The following TMPRSS11B variants were observed in gnomAD, a reference collection of about 807,000 sequenced individuals.
The protein encoded by TMPRSS11B is transmembrane protease serine 11B.
TMPRSS11B carries 53 observed loss-of-function variants against 44.7 expected under a neutral mutation model. The ratio of observed to expected loss-of-function variants is 1.19; its 90% CI spans 0.95 to 1.49. The LOEUF is 1.49. Among genes scored for constraint, TMPRSS11B ranks in the 40% most tolerant of loss-of-function variants. TMPRSS11B has a pLI of 0.00. For missense variants in TMPRSS11B, 526 were observed against 494.8 expected (o/e 1.06, Z -0.60); for synonymous variants, 140 against 159.2 (o/e 0.88, Z 0.91).
chr4:68,237,025 G>T (rs947005172), intron 2 of TMPRSS11B, among the ~76,000 whole-genome samples: 2 of 151,628 alleles, frequency 1.3e-5, no homozygotes, highest in African/African-American at 4.8e-5. Flanking sequence ...TGCCATAGTG[G>T]TTTGCTGTAC....
intron 1 of TMPRSS11B, among the ~76,000 whole-genome samples, chr4:68,242,745 T>C (rs917418262): frequency 1.1e-4 from 16 of 151,850 alleles, no homozygotes; most frequent in African/African-American, 2.4e-4. Flanking sequence ...TATTTTTTTG[T>C]AATAGAGTCA....
intron 1 of TMPRSS11B, among the ~76,000 whole-genome samples, chr4:68,242,358 T>A (rs1479056195): frequency 1.4e-4 from 4 of 29,050 alleles, no homozygotes; most frequent in South Asian, 2.5e-3. Context: ...TATATAATAT[T>A]ATATTATATA....
intron 5 of TMPRSS11B, among the ~76,000 whole-genome samples, chr4:68,233,017 C>A (rs1306424308): frequency 6.6e-6 from 1 of 151,988 alleles, no homozygotes; most frequent in Non-Finnish European, 1.5e-5. Context: ...AGGGAAATCT[C>A]CTTACTAAGA....
In TMPRSS11B at chr4:68,227,378, T is replaced by C. The variant is rs918028919; in HGVS notation, c.*533A>G. On this transcript the variant is annotated 3_prime_UTR_variant, in exon 10 of 10. Coordinates refer to ENST00000332644, the MANE Select transcript of TMPRSS11B (RefSeq NM_182502.3). ...AACTCAGCTATTAAGAAAAATTATA[T>C]ATTAGCCTTCTTTATTTTCTTCTCT... is the stretch of plus-strand genomic sequence containing the variant. The C allele has an allele frequency of 6.6e-6, 1 of 152,152 alleles. No individual in the cohort carries two copies. Among genetic ancestry groups the C allele is most frequent in the African/African-American group, 2.4e-5 (1 of 41,244 alleles). The allele number at this position is 152,152 out of a possible 1,614,324, so 9.4% of individuals were successfully genotyped here.
At chr4:68,232,303 G>A (rs1038209436) in intron 6 of TMPRSS11B, 75 bp downstream of exon 6, 1 of 1,379,412 alleles carries the variant, frequency 7.2e-7, no homozygotes, top group South Asian at 1.2e-5. Context: ...CATATTTCAA[G>A]TATTTTTAAT....
intron 8 of TMPRSS11B, 113 bp from the exon 9 acceptor site, chr4:68,228,997 CAGGT>C: frequency 8.5e-7 from 1 of 1,174,992 alleles, no homozygotes; most frequent in Non-Finnish European, 1.2e-6. Flanking sequence ...AGGCCAGTCC[CAGGT>C]TAGATTAGTC....
At chr4:68,240,416 G>T (rs527806874) in intron 2 of TMPRSS11B, among the ~76,000 whole-genome samples, 3 of 152,224 alleles carry the variant, frequency 2.0e-5, no homozygotes, top group South Asian at 4.1e-4. Context: ...ATAGTAGGTG[G>T]TTGACCATGT....
At chr4:68,234,044 TGCTTGTAGTCCCAG>T (rs1350555310) in intron 5 of TMPRSS11B, among the ~76,000 whole-genome samples, 1 of 151,860 alleles carries the variant, frequency 6.6e-6, no homozygotes, top group Non-Finnish European at 1.5e-5. Context: ...TGGTGGCGGA[TGCTTGTAGTCCCAG>T]GCTGAGGCAG....
At chr4:68,241,582 A>G in intron 2 of TMPRSS11B, 107 bp downstream of exon 2, 1 of 736,766 alleles carries the variant, frequency 1.4e-6, no homozygotes, top group Non-Finnish European at 2.2e-6. Context: ...AAAATAGTAA[A>G]TAAGAAAACT....
intron 2 of TMPRSS11B, 37 bp from the exon 3 acceptor site, chr4:68,236,303 A>T: frequency 1.5e-6 from 2 of 1,352,396 alleles, no homozygotes; most frequent in Non-Finnish European, 2.1e-6. Flanking sequence ...AAAGAATTTT[A>T]AAGTGGAAAG....
intron 2 of TMPRSS11B, among the ~76,000 whole-genome samples, chr4:68,241,370 G>A (rs1404739269): frequency 6.6e-6 from 1 of 152,016 alleles, no homozygotes; most frequent in Non-Finnish European, 1.5e-5. Context: ...AATCTCTAAA[G>A]TTTGAGATAT....
chr4:68,234,204 C>G (rs891193300), intron 5 of TMPRSS11B, among the ~76,000 whole-genome samples: 1 of 151,900 alleles, frequency 6.6e-6, no homozygotes, highest in Non-Finnish European at 1.5e-5. Context: ...CCCTTCACCC[C>G]CTTTCCCATG....
chr4:68,245,648 G>C lies in TMPRSS11B; in HGVS notation c.-90C>G, dbSNP rs1426950596. ...TAACGATGACAATGCTGGTAATAGT[G>C]ATGACAAAAGTTAGAACCTTCTGAC... On this transcript the variant is annotated 5_prime_UTR_variant, in exon 1 of 10. The change creates a new upstream start codon in the 5' untranslated region. Coordinates refer to ENST00000332644, the MANE Select transcript of TMPRSS11B (RefSeq NM_182502.3). 6.7e-7 allele frequency: 1 copy of C among 1,497,010 alleles called. No homozygotes were observed. The highest frequency in any genetic ancestry group is 2.3e-5 in the East Asian group (1 of 44,158). 92.7% of individuals were successfully genotyped at this position (1,497,010 alleles called of 1,614,324 possible).
At chr4:68,242,187 TTAAATACATA>T (rs1719843278) in intron 1 of TMPRSS11B, among the ~76,000 whole-genome samples, 1 of 100,592 alleles carries the variant, frequency 9.9e-6, no homozygotes, top group South Asian at 2.8e-4. Context: ...ATAGACACAA[TTAAATACATA>T]ATATAATATA....
At chr4:68,235,486 C>T (rs972340001) in intron 4 of TMPRSS11B, among the ~76,000 whole-genome samples, 30 of 152,130 alleles carry the variant, frequency 2.0e-4, no homozygotes, top group African/African-American at 7.2e-4. Flanking sequence ...CTGCATCCCT[C>T]CCTACCACCA....
rs33998905 is a variant in TMPRSS11B, at chr4:68,236,279, GA to G, written c.125-14del. 1.9e-5 allele frequency: 28 copies of G among 1,489,646 alleles called. No individual in the cohort carries two copies. Among genetic ancestry groups the G allele is most frequent in the Admixed American group, 6.1e-5 (3 of 48,812 alleles). 92.3% of individuals were successfully genotyped at this position (1,489,646 alleles called of 1,614,324 possible). A position where few individuals can be genotyped will look rare whatever the true frequency, so the allele number is the denominator to read the frequency against. On this transcript the variant is annotated splice_polypyrimidine_tract_variant and intron_variant, in intron 2 of 9. Coordinates refer to ENST00000332644, the MANE Select transcript of TMPRSS11B (RefSeq NM_182502.3). ...TAGTAAGTCTTCTCTGCAAAATTAA[GA>G]AAAAAAAACCTCAAAGAATTTTAAA...
chr4:68,229,179 G>A (rs1719435657), intron 8 of TMPRSS11B, 78 bp downstream of exon 8: 1 of 1,299,580 alleles, frequency 7.7e-7, no homozygotes, highest in Non-Finnish European at 1.0e-6. Context: ...TGCATGAGGG[G>A]ATGATTGATT....
intron 1 of TMPRSS11B, among the ~76,000 whole-genome samples, chr4:68,242,815 T>C (rs566677306): frequency 2.6e-5 from 4 of 152,196 alleles, no homozygotes; most frequent in African/African-American, 9.6e-5. Flanking sequence ...GATCTGCCCA[T>C]CTTGGCCTCC....
Position 68,236,142 on chromosome 4 carries a change from C to G in TMPRSS11B, c.240+9G>C, listed in dbSNP as rs897506355. The G allele has an allele frequency of 1.9e-6, 3 of 1,580,752 alleles. No homozygotes were observed. The highest frequency in any genetic ancestry group is 2.6e-6 in the Non-Finnish European group (3 of 1,164,836). The stretch of plus-strand genomic sequence containing the variant: ...ATAATAAAATTAATTTTAAAAATCT[C>G]TGATTTACCTTAGTCTCAATATCTT... On this transcript the variant is annotated intron_variant, in intron 3 of 9. Transcript: ENST00000332644.
Sources: allele counts gnomAD v4.1 joint callset (sites outside exome capture counted in the v4.1 genomes callset), GRCh38; gene constraint gnomAD v4.1.1; transcripts MANE v1.5; gene names NCBI Gene and HGNC (gene_info 2026-07-23, HGNC 2026-07-21).